FARP1: variants seen among roughly 807,000 people sequenced by gnomAD.
FARP1 encodes the protein FERM, ARH/RhoGEF and pleckstrin domain protein 1, also known as FERM, ARHGEF and pleckstrin domain-containing protein 1.
In FARP1, 52 loss-of-function variants were observed where a neutral mutation model predicts 128.8. The observed-to-expected ratio is 0.40, with a 90% CI of 0.32 to 0.51. The LOEUF is 0.51. FARP1 is among the 20% of genes least tolerant of loss of function. The probability of loss-of-function intolerance (pLI) is 0.45; values close to 1 mark genes in which losing one functional copy is unlikely to be tolerated. For missense variants in FARP1, 1,333 were observed against 1,367.9 expected (o/e 0.97, Z 0.40); for synonymous variants, 580 against 551.8 (o/e 1.05, Z -0.72).
intron 1 of FARP1, among the ~76,000 whole-genome samples, chr13:98,205,254 A>C (rs1409291669): frequency 1.3e-5 from 2 of 152,146 alleles, no homozygotes; most frequent in Admixed American, 1.3e-4. Flanking sequence ...ATTATGCACA[A>C]GTATCTTTAA....
chr13:98,415,264 T>A (rs7983915), intron 16 of FARP1, among the ~76,000 whole-genome samples: 20,628 of 152,160 alleles, frequency 0.14, 2,132 homozygotes, highest in East Asian at 0.31. Flanking sequence ...CTCAGGAATC[T>A]GTGTGTTTTA....
At chr13:98,322,842 C>T (rs1433674464) in intron 2 of FARP1, among the ~76,000 whole-genome samples, 5 of 152,168 alleles carry the variant, frequency 3.3e-5, no homozygotes, top group South Asian at 2.1e-4. Context: ...GTATATACCA[C>T]GCATACATGC....
intron 2 of FARP1, among the ~76,000 whole-genome samples, chr13:98,215,605 A>G (rs550391647): frequency 6.6e-6 from 1 of 152,366 alleles, no homozygotes; most frequent in East Asian, 1.9e-4. Context: ...ACTAAATAGT[A>G]GTAATGACAT....
At chr13:98,417,455 GAAAAAAAAAAAAAAAAAAAA>G (rs869304302) in intron 16 of FARP1, among the ~76,000 whole-genome samples, 2 of 58,456 alleles carry the variant, frequency 3.4e-5, no homozygotes, top group African/African-American at 1.1e-4. Context: ...CCAGAGGTTT[GAAAAAAAAAAAAAAAAAAAA>G]AAAAAAAAAG....
chr13:98,201,880 G>A (rs1879974485), intron 1 of FARP1, among the ~76,000 whole-genome samples: 1 of 152,198 alleles, frequency 6.6e-6, no homozygotes, highest in Non-Finnish European at 1.5e-5. Flanking sequence ...TACCCTGCTC[G>A]TAGACAGTTA....
At position 98,236,601 on chromosome 13, in the gene FARP1, A is replaced by C. The variant is rs562238621; in HGVS notation, c.171+23188A>C. 1.1e-3 allele frequency among the ~76,000 whole-genome samples: 165 copies of C among 152,172 alleles called. 1 individual carries two copies. The highest frequency in any genetic ancestry group is 3.6e-3 in the African/African-American group (150 of 41,396). ...AACCTCATAGCCAAGAAATAAAAAA[A>C]TTAAGAAAGTGAGATATGTCATGAA... On this transcript the variant is annotated intron_variant, in intron 2 of 26. Coordinates refer to ENST00000319562, the MANE Select transcript of FARP1 (RefSeq NM_005766.4).
At chr13:98,304,347 G>A (rs748230200) in intron 2 of FARP1, among the ~76,000 whole-genome samples, 7 of 152,174 alleles carry the variant, frequency 4.6e-5, no homozygotes, top group Non-Finnish European at 8.8e-5. Flanking sequence ...CTAAGAACTA[G>A]GTGGGAAGAA....
chr13:98,156,508 T>A (rs192572), intron 1 of FARP1, among the ~76,000 whole-genome samples: 138,033 of 152,204 alleles, frequency 0.91, 64,106 homozygotes, highest in East Asian at 1. Flanking sequence ...TCCTGGCTCA[T>A]ATGATCCTCC....
chr13:98,308,744 C>T (rs1340374831), intron 2 of FARP1, among the ~76,000 whole-genome samples: 1 of 152,198 alleles, frequency 6.6e-6, no homozygotes, highest in African/African-American at 2.4e-5. Context: ...TCTTGGCTCA[C>T]TGCAACCTCT....
chr13:98,143,790 C>T (rs1483426178), intron 1 of FARP1, among the ~76,000 whole-genome samples: 3 of 151,856 alleles, frequency 2.0e-5, no homozygotes, highest in Admixed American at 6.6e-5. Flanking sequence ...CCGGTCCCCG[C>T]TCGCCTCCCC....
At chr13:98,202,290 C>CCTTTGCT (rs1273855869) in intron 1 of FARP1, among the ~76,000 whole-genome samples, 1 of 152,158 alleles carries the variant, frequency 6.6e-6, no homozygotes, top group Non-Finnish European at 1.5e-5. Context: ...CGCCCTTTGC[C>CCTTTGCT]CTTTGCTCTT....
Position 98,431,168 on chromosome 13 carries a change from G to C in FARP1, c.2031G>C (p.Pro677=). ...DFELQKVCYL[P]LNTFLLRPLH... Reference sequence around the variant, plus strand: ...AGCTGCAGAAGGTGTGTTACCTACCGCTCAACACCTTCCTCCTGCGGCCAC... The same window carrying C: ...AGCTGCAGAAGGTGTGTTACCTACCCCTCAACACCTTCCTCCTGCGGCCAC... The change falls in exon 18 of 27, where the codon CCG becomes CCC. Residue 677 remains proline (P), a synonymous_variant. Coordinates refer to ENST00000319562, the MANE Select transcript of FARP1 (RefSeq NM_005766.4). 6.2e-7 allele frequency: 1 copy of C among 1,613,872 alleles called. No homozygotes were observed. Among genetic ancestry groups the C allele is most frequent in the East Asian group, 2.2e-5 (1 of 44,864 alleles).
intron 1 of FARP1, among the ~76,000 whole-genome samples, chr13:98,148,416 TA>T (rs1875735018): frequency 6.6e-6 from 1 of 152,038 alleles, no homozygotes; most frequent in Non-Finnish European, 1.5e-5. Flanking sequence ...AAGAAGAAAA[TA>T]AAACAAACTT....
At chr13:98,222,739 A>G (rs1204043048) in intron 2 of FARP1, among the ~76,000 whole-genome samples, 1 of 150,240 alleles carries the variant, frequency 6.7e-6, no homozygotes, top group Non-Finnish European at 1.5e-5. Flanking sequence ...CTCCTGCCTC[A>G]GCCTCCCCAG....
rs563877406 is a variant in FARP1, at chr13:98,310,282, G to C, written c.172-33480G>C. ...GTGCCTCCCCAGGAATGGTTCCTTT[G>C]GTGGAGTTTCCTAAATACCATGGCT... On this transcript the variant is annotated intron_variant, in intron 2 of 26. Coordinates refer to ENST00000319562, the MANE Select transcript of FARP1 (RefSeq NM_005766.4). Among the ~76,000 whole-genome samples, 138 of 152,126 alleles carry C rather than the reference G, an allele frequency of 9.1e-4. 2 individuals carry two copies. The highest frequency in any genetic ancestry group is 6.8e-3 in the South Asian group (33 of 4,822).
chr13:98,278,337 G>A (rs1435496526), intron 2 of FARP1, among the ~76,000 whole-genome samples: 1 of 152,108 alleles, frequency 6.6e-6, no homozygotes, highest in Non-Finnish European at 1.5e-5. Flanking sequence ...GTATATGTGT[G>A]TGAGTGTGAA....
intron 2 of FARP1, among the ~76,000 whole-genome samples, chr13:98,243,438 G>A (rs527684727): frequency 6.6e-6 from 1 of 152,172 alleles, no homozygotes; most frequent in South Asian, 2.1e-4. Context: ...GCTCACGCCT[G>A]TAATCCCAGC....
intron 19 of FARP1, among the ~76,000 whole-genome samples, chr13:98,437,546 G>T (rs940453836): frequency 1.3e-5 from 2 of 152,000 alleles, no homozygotes; most frequent in Non-Finnish European, 2.9e-5. Context: ...TTACCGGGTG[G>T]TGTCTGTGCT....
chr13:98,351,705 T>A (rs1393807816), intron 3 of FARP1, among the ~76,000 whole-genome samples: 1 of 151,904 alleles, frequency 6.6e-6, no homozygotes, highest in Non-Finnish European at 1.5e-5. Flanking sequence ...CAGGAAGTTT[T>A]TACTCATGGC....
Sources: gnomAD v4.1 joint callset for allele counts (sites outside exome capture counted in the v4.1 genomes callset) on GRCh38, gnomAD v4.1.1 for gene constraint, MANE v1.5 for transcripts, NCBI Gene and HGNC (gene_info 2026-07-23, HGNC 2026-07-21) for gene names.